The following KDM1A variants were observed in gnomAD, a reference collection of about 807,000 sequenced individuals.
The protein encoded by KDM1A is lysine demethylase 1A, also known as lysine-specific histone demethylase 1A.
KDM1A carries 49 observed loss-of-function variants against 109.4 expected under a neutral mutation model. The observed-to-expected ratio is 0.45, with a 90% confidence interval of 0.36 to 0.57. The LOEUF (loss-of-function observed/expected upper bound fraction) is 0.57, where lower values mean the gene tolerates loss of function less well. KDM1A is among the 20% of genes least tolerant of loss of function. KDM1A has a pLI of 0.00. For missense variants in KDM1A, 668 were observed against 1,116.6 expected (o/e 0.60, Z 5.73); for synonymous variants, 380 against 415.4 (o/e 0.91, Z 1.04).
In KDM1A at chr1:23,078,977, C is replaced by G; in HGVS notation, c.1868-13C>G. The G allele has an allele frequency of 1.2e-6, 2 of 1,608,634 alleles. No individual in the cohort carries two copies. Among genetic ancestry groups the G allele is most frequent in the Non-Finnish European group, 1.7e-6 (2 of 1,176,102 alleles). On this transcript the variant is annotated splice_polypyrimidine_tract_variant and intron_variant, in intron 16 of 20. Coordinates refer to ENST00000400181, the MANE Select transcript of KDM1A (RefSeq NM_001009999.3). ...TTCATCACCACTAGTCTTTTCCCACCCAACCTCTGCAGGATGTGAAGTGAT... is the reference window on the plus strand; with the variant it reads ...TTCATCACCACTAGTCTTTTCCCACGCAACCTCTGCAGGATGTGAAGTGAT...
intron 5 of KDM1A, among the ~76,000 whole-genome samples, chr1:23,054,750 C>T (rs1184012085): frequency 6.6e-6 from 1 of 152,094 alleles, no homozygotes; most frequent in Admixed American, 6.5e-5. Context: ...CCTCAGCCCC[C>T]CAAGTAACTA....
At position 23,058,937 on chromosome 1, in the gene KDM1A, CT is replaced by C. The variant is rs139330847; in HGVS notation, c.1073-126del. ...GTCTTACATATTTTTACTTAGAGTG[CT>C]TTTTTTTTTGAGAAATAATTACATA... On this transcript the variant is annotated intron_variant, in intron 8 of 20. Transcript: ENST00000400181. 13,646 of 447,986 alleles carry C rather than the reference CT, an allele frequency of 0.03. 671 individuals carry two copies. Among genetic ancestry groups the C allele is most frequent in the African/African-American group, 0.17 (8,003 of 47,648 alleles). 27.8% of individuals were successfully genotyped at this position (447,986 alleles called of 1,614,324 possible). A position where few individuals can be genotyped will look rare whatever the true frequency, so the allele number is the denominator to read the frequency against.
chr1:23,069,192 TA>T, intron 12 of KDM1A, 41 bp downstream of exon 12: 2 of 1,291,734 alleles, frequency 1.5e-6, no homozygotes, highest in Non-Finnish European at 2.2e-6. Context: ...GAAGCTTTAA[TA>T]GGAGAAAAAG....
intron 1 of KDM1A, among the ~76,000 whole-genome samples, chr1:23,025,851 G>A (rs1478907004): frequency 1.3e-5 from 2 of 152,034 alleles, no homozygotes; most frequent in Non-Finnish European, 2.9e-5. Flanking sequence ...CAGCACTTTG[G>A]GAGGCCAAGG....
At chr1:23,046,047 G>T (rs924340719) in intron 3 of KDM1A, among the ~76,000 whole-genome samples, 2 of 152,158 alleles carry the variant, frequency 1.3e-5, no homozygotes, top group Admixed American at 1.3e-4. Flanking sequence ...AGCTAGAAGA[G>T]AACTTGAGGT....
chr1:23,034,797 A>T (rs895853036), intron 2 of KDM1A, among the ~76,000 whole-genome samples: 1 of 152,226 alleles, frequency 6.6e-6, no homozygotes, highest in African/African-American at 2.4e-5. Context: ...TTTCATGGAA[A>T]GTTATTCTAA....
At chr1:23,080,569 A>G (rs1643589666) in intron 18 of KDM1A, among the ~76,000 whole-genome samples, 1 of 152,128 alleles carries the variant, frequency 6.6e-6, no homozygotes, top group Admixed American at 6.5e-5. Flanking sequence ...GTTCTTCATT[A>G]TCTAGCTCAT....
chr1:23,024,056 C>T (rs1391419631), intron 1 of KDM1A, among the ~76,000 whole-genome samples: 2 of 151,994 alleles, frequency 1.3e-5, no homozygotes, highest in African/African-American at 4.8e-5. Flanking sequence ...CCTGTGTTGC[C>T]CCAGCTGGCC....
chr1:23,050,039 T>C (rs1642619382), intron 3 of KDM1A, among the ~76,000 whole-genome samples: 1 of 152,236 alleles, frequency 6.6e-6, no homozygotes, highest in Admixed American at 6.5e-5. Flanking sequence ...GCTTTCCTGT[T>C]AGTGCATTTT....
intron 9 of KDM1A, among the ~76,000 whole-genome samples, chr1:23,063,279 AG>A (rs749834306): frequency 1.8e-4 from 27 of 146,616 alleles, no homozygotes; most frequent in Non-Finnish European, 3.3e-4. Context: ...CACAGGTTCC[AG>A]TAACTGCTTT....
chr1:23,061,995 A>G (rs1254810865), intron 9 of KDM1A, among the ~76,000 whole-genome samples: 2 of 152,230 alleles, frequency 1.3e-5, no homozygotes, highest in Non-Finnish European at 2.9e-5. Context: ...GGACAAGTAC[A>G]AAGAGCCCCA....
chr1:23,035,581 T>A (rs949047862), intron 2 of KDM1A, among the ~76,000 whole-genome samples: 1 of 152,186 alleles, frequency 6.6e-6, no homozygotes, highest in African/African-American at 2.4e-5. Context: ...TTAATAAATT[T>A]GGGGGCTTGT....
intron 3 of KDM1A, among the ~76,000 whole-genome samples, chr1:23,048,481 G>C (rs1642566992): frequency 6.6e-6 from 1 of 151,844 alleles, no homozygotes; most frequent in Non-Finnish European, 1.5e-5. Flanking sequence ...TTAATTTTGG[G>C]TATGGATTAG....
intron 14 of KDM1A, 68 bp from the exon 15 acceptor site, chr1:23,073,224 C>A: frequency 2.5e-6 from 2 of 814,094 alleles, no homozygotes; most frequent in Non-Finnish European, 4.2e-6. Flanking sequence ...TTACTGAGAT[C>A]ACCTACATCA....
At chr1:23,075,162 G>A (rs1643426716) in intron 15 of KDM1A, among the ~76,000 whole-genome samples, 1 of 152,158 alleles carries the variant, frequency 6.6e-6, no homozygotes, top group Non-Finnish European at 1.5e-5. Flanking sequence ...TTATGTCAGT[G>A]ATGTTTTATA....
At chr1:23,035,142 T>C (rs1409056230) in intron 2 of KDM1A, among the ~76,000 whole-genome samples, 1 of 152,120 alleles carries the variant, frequency 6.6e-6, no homozygotes, top group Non-Finnish European at 1.5e-5. Flanking sequence ...CTCTTCTCTA[T>C]TATATGTGGT....
chr1:23,027,723 T>G (rs78247191), intron 1 of KDM1A, among the ~76,000 whole-genome samples: 1 of 145,090 alleles, frequency 6.9e-6, no homozygotes, highest in Middle Eastern at 3.2e-3. Flanking sequence ...CTCCCAGCCT[T>G]TTTTTTTTTT....
At chr1:23,071,604 CT>C (rs1453141365) in intron 13 of KDM1A, among the ~76,000 whole-genome samples, 1 of 152,132 alleles carries the variant, frequency 6.6e-6, no homozygotes, top group African/African-American at 2.4e-5. Flanking sequence ...CAATTTAGCC[CT>C]AACAGTTTAG....
intron 3 of KDM1A, among the ~76,000 whole-genome samples, chr1:23,049,731 T>A (rs574923495): frequency 6.6e-6 from 1 of 151,884 alleles, no homozygotes; most frequent in African/African-American, 2.4e-5. Context: ...CAGTGTATAG[T>A]GTATGTATAC....
Sources: allele counts gnomAD v4.1 joint callset (sites outside exome capture counted in the v4.1 genomes callset), GRCh38; gene constraint gnomAD v4.1.1; transcripts MANE v1.5; gene names NCBI Gene and HGNC (gene_info 2026-07-23, HGNC 2026-07-21).